Variants in TMOD2 observed in about 807,000 individuals in gnomAD.
TMOD2 encodes tropomodulin-2.
Under a neutral mutation model 39.9 loss-of-function variants are expected in TMOD2, and 22 were observed. The ratio of observed to expected loss-of-function variants is 0.55; its 90% CI spans 0.39 to 0.79. TMOD2 has a LOEUF of 0.79. TMOD2 is among the 30% of genes least tolerant of loss of function. The pLI, the probability that TMOD2 is intolerant of heterozygous loss-of-function variation, is 0.00. For synonymous variants in TMOD2, 123 were observed against 146.1 expected, an observed-to-expected ratio of 0.84 and a Z score of 1.14; for missense variants, 386 against 413.3, an observed-to-expected ratio of 0.93 and a Z score of 0.57.
At chr15:51,764,908 A>G (rs2055806429) in intron 1 of TMOD2, among the ~76,000 whole-genome samples, 1 of 152,102 alleles carries the variant, frequency 6.6e-6, no homozygotes, top group Admixed American at 6.6e-5. Context: ...GTGTTTTCAA[A>G]CCTACTTTTT....
intron 7 of TMOD2, among the ~76,000 whole-genome samples, chr15:51,795,713 A>T (rs4775982): frequency 6.7e-6 from 1 of 149,328 alleles, no homozygotes; most frequent in Non-Finnish European, 1.5e-5. Flanking sequence ...TTTTCTCATA[A>T]TTTCTATCTT....
intron 1 of TMOD2, among the ~76,000 whole-genome samples, chr15:51,762,744 T>C (rs905604406): frequency 6.6e-6 from 1 of 152,186 alleles, no homozygotes; most frequent in Non-Finnish European, 1.5e-5. Context: ...GTGATTTCTT[T>C]CTGTCATATA....
intron 1 of TMOD2, among the ~76,000 whole-genome samples, chr15:51,764,474 A>G (rs2055802827): frequency 6.6e-6 from 1 of 152,224 alleles, no homozygotes. Context: ...GCCCACCTGC[A>G]GCCAGTCTCG....
chr15:51,811,422 T>A lies in TMOD2; in HGVS notation c.*2968T>A, dbSNP rs2056155755. On this transcript the variant is annotated 3_prime_UTR_variant, in exon 10 of 10. Transcript: ENST00000249700. ...CCTCCCCCTTTTAGAGTTGTGCAGGTCCACTTTAAGTGTAAAATCACTCAC... is the reference window on the plus strand; with the variant it reads ...CCTCCCCCTTTTAGAGTTGTGCAGGACCACTTTAAGTGTAAAATCACTCAC... The A allele has an allele frequency of 6.6e-6, 1 of 152,116 alleles. No homozygotes were observed. Among genetic ancestry groups the A allele is most frequent in the African/African-American group, 2.4e-5 (1 of 41,412 alleles). 9.4% of individuals were successfully genotyped at this position (152,116 alleles called of 1,614,324 possible).
chr15:51,758,120 A>C (rs1288852269), intron 1 of TMOD2, among the ~76,000 whole-genome samples: 1 of 151,842 alleles, frequency 6.6e-6, no homozygotes, highest in Non-Finnish European at 1.5e-5. Context: ...GCTTTTCCCC[A>C]AATCTTCAGA....
At chr15:51,794,689 G>A (rs2056036021) in intron 7 of TMOD2, among the ~76,000 whole-genome samples, 1 of 152,180 alleles carries the variant, frequency 6.6e-6, no homozygotes, top group Non-Finnish European at 1.5e-5. Context: ...AAAGCTCCCA[G>A]ACCATTCTAA....
chr15:51,763,618 G>A (rs777113645), intron 1 of TMOD2, among the ~76,000 whole-genome samples: 6 of 152,168 alleles, frequency 3.9e-5, no homozygotes, highest in African/African-American at 7.2e-5. Flanking sequence ...CTCTCTTCAG[G>A]AGTGCTGCTA....
chr15:51,766,435 A>G lies in TMOD2; in HGVS notation c.-7A>G, dbSNP rs770549255. ...GCATGGCCCATGAGAAAGGCTTATA[A>G]GAAGCCATGGCACTCCCCTTTCAAA... is the stretch of plus-strand genomic sequence containing the variant. On this transcript the variant is annotated 5_prime_UTR_variant, in exon 2 of 10. An upstream open reading frame in the 5' UTR loses its in-frame stop. Coordinates refer to ENST00000249700, the MANE Select transcript of TMOD2 (RefSeq NM_014548.4). 3.7e-6 allele frequency: 6 copies of G among 1,613,720 alleles called. No homozygotes were observed. The highest frequency in any genetic ancestry group is 2.2e-5 in the East Asian group (1 of 44,868).
chr15:51,759,178 A>G (rs2055762325), intron 1 of TMOD2, among the ~76,000 whole-genome samples: 1 of 149,084 alleles, frequency 6.7e-6, no homozygotes, highest in African/African-American at 2.5e-5. Context: ...ATGGCTGGAA[A>G]AGAGACGAGA....
intron 8 of TMOD2, among the ~76,000 whole-genome samples, chr15:51,803,641 G>A (rs993497031): frequency 2.6e-5 from 4 of 152,110 alleles, no homozygotes; most frequent in African/African-American, 9.7e-5. Context: ...TGAAAATGAA[G>A]AAAAGTCCTG....
At position 51,810,607 on chromosome 15, in the gene TMOD2, A is replaced by T. The variant is rs1447113914; in HGVS notation, c.*2153A>T. On this transcript the variant is annotated 3_prime_UTR_variant, in exon 10 of 10. Transcript: ENST00000249700. Reference sequence around the variant, plus strand: ...TCAGCACACCACTGGGTGAAATTATACATTTTTTTATACATATGTTTCGCT... The same window carrying T: ...TCAGCACACCACTGGGTGAAATTATTCATTTTTTTATACATATGTTTCGCT... 6.6e-6 allele frequency: 1 copy of T among 152,186 alleles called. No individual in the cohort carries two copies. The highest frequency in any genetic ancestry group is 2.4e-5 in the African/African-American group (1 of 41,450). 9.4% of individuals were successfully genotyped at this position (152,186 alleles called of 1,614,324 possible). A position where few individuals can be genotyped will look rare whatever the true frequency, so the allele number is the denominator to read the frequency against.
chr15:51,775,533 GTCCCCT>G (rs1044335504), intron 4 of TMOD2, among the ~76,000 whole-genome samples: 3 of 144,190 alleles, frequency 2.1e-5, no homozygotes, highest in African/African-American at 7.8e-5. Context: ...TCCTTCTCCT[GTCCCCT>G]TCACAGAGAC....
At chr15:51,762,857 GT>G (rs2055790702) in intron 1 of TMOD2, among the ~76,000 whole-genome samples, 1 of 152,178 alleles carries the variant, frequency 6.6e-6, no homozygotes, top group Non-Finnish European at 1.5e-5. Context: ...GTTCATCCAT[GT>G]TTTTGTGTAC....
At chr15:51,787,867 A>T (rs760258017) in intron 7 of TMOD2, among the ~76,000 whole-genome samples, 1 of 152,186 alleles carries the variant, frequency 6.6e-6, no homozygotes, top group Non-Finnish European at 1.5e-5. Flanking sequence ...AACATCAAAG[A>T]CCAAAGGTAG....
rs1484824575 is a variant in TMOD2 at position 51,801,283 on chromosome 15, A to ACACG, written c.876+2944_876+2945insACGC. On this transcript the variant is annotated intron_variant, in intron 8 of 9. Coordinates refer to ENST00000249700, the MANE Select transcript of TMOD2 (RefSeq NM_014548.4). ...CACACACACACACACACACACACACACCCTGTCTCTCTCTCTCTCTCTCTC... is the reference window on the plus strand; with the variant it reads ...CACACACACACACACACACACACACACACGCCCTGTCTCTCTCTCTCTCTCTCTC... Among the ~76,000 whole-genome samples, 15 of 125,950 alleles carry ACACG rather than the reference A, an allele frequency of 1.2e-4. 1 individual carries two copies. In the South Asian group the frequency reaches 3.8e-3, roughly 32 times the overall value. The allele number at this position is 125,950 out of a possible 152,430, so 82.6% of individuals were successfully genotyped here.
At position 51,768,298 on chromosome 15, in the gene TMOD2, C is replaced by G. The variant is rs772995312; in HGVS notation, c.163C>G (p.Gln55Glu). 3.1e-6 allele frequency: 5 copies of G among 1,614,136 alleles called. No homozygotes were observed. The highest frequency in any genetic ancestry group is 4.5e-5 in the East Asian group (2 of 44,872). The change falls in exon 3 of 10, where the codon CAG becomes GAG. Residue 55 changes from glutamine to glutamate, a missense_variant. Gln to Glu is a conservative substitution (Grantham distance 29, BLOSUM62 2). Transcript: ENST00000249700. Reference sequence around the variant, plus strand: ...GCCAGCTGGATTTCGACAGAAAGACCAGACACAGAAGGCAGCCACCGGCCC... The same window carrying G: ...GCCAGCTGGATTTCGACAGAAAGACGAGACACAGAAGGCAGCCACCGGCCC... ...MLPAGFRQKD[Q>E]TQKAATGPFD...
At chr15:51,757,718 A>G (rs2055752205) in intron 1 of TMOD2, among the ~76,000 whole-genome samples, 1 of 152,216 alleles carries the variant, frequency 6.6e-6, no homozygotes, top group Non-Finnish European at 1.5e-5. Flanking sequence ...CATTGCTAAC[A>G]GGACGGAAGA....
chr15:51,795,498 C>T (rs756781074), intron 7 of TMOD2, among the ~76,000 whole-genome samples: 8 of 151,518 alleles, frequency 5.3e-5, no homozygotes, highest in Non-Finnish European at 8.8e-5. Context: ...GATAAAGATC[C>T]GTAACTTTCT....
At chr15:51,805,168 C>T (rs1002053896) in intron 8 of TMOD2, among the ~76,000 whole-genome samples, 3 of 151,648 alleles carry the variant, frequency 2.0e-5, no homozygotes, top group Non-Finnish European at 2.9e-5. Flanking sequence ...CCATGTTGCC[C>T]GGGCTGGTCT....
Sources: gnomAD v4.1 joint callset for allele counts (sites outside exome capture counted in the v4.1 genomes callset) on GRCh38, gnomAD v4.1.1 for gene constraint, MANE v1.5 for transcripts, NCBI Gene and HGNC (gene_info 2026-07-23, HGNC 2026-07-21) for gene names.